The following MKRN1 variants were observed in gnomAD, a reference collection of about 807,000 sequenced individuals.
The protein encoded by MKRN1 is E3 ubiquitin-protein ligase makorin-1.
MKRN1 carries 9 observed loss-of-function variants against 55.5 expected under a neutral mutation model. That is an observed-to-expected ratio of 0.16 (90% CI 0.10 to 0.28). The LOEUF (loss-of-function observed/expected upper bound fraction) is 0.28, where lower values mean the gene tolerates loss of function less well. MKRN1 is among the 10% of genes least tolerant of loss of function. MKRN1 has a pLI of 1.00. For synonymous variants in MKRN1, 253 were observed against 235.9 expected, an observed-to-expected ratio of 1.07 and a Z score of -0.66; for missense variants, 488 against 626.7, an observed-to-expected ratio of 0.78 and a Z score of 2.36.
At chr7:140,469,134 G>A (rs537673023) in intron 2 of MKRN1, among the ~76,000 whole-genome samples, 41 of 152,010 alleles carry the variant, frequency 2.7e-4, no homozygotes, top group African/African-American at 8.2e-4. Context: ...AGACCACCCT[G>A]GCTAACACAG....
chr7:140,459,495 TCA>T (rs1794557557), intron 3 of MKRN1, among the ~76,000 whole-genome samples: 1 of 152,224 alleles, frequency 6.6e-6, no homozygotes, highest in African/African-American at 2.4e-5. Flanking sequence ...TCGAAAGGAT[TCA>T]GTTTTTCAAA....
chr7:140,455,125 T>A lies in MKRN1; in HGVS notation c.1206A>T (p.Arg402Ser), dbSNP rs528414465. ...YPDGRREEPQ[R>S]QKVGTSSRYR... ...ATCTGCTTGATGTTCCCACTTTCTG[T>A]CTCTGTGGCTCCTCTCTACGGCCAT... Residue 402 changes from arginine to serine, a missense_variant, in exon 7 of 8, where the codon AGA (arginine) becomes AGT (serine). Physicochemically the swap from Arg to Ser is moderately radical, Grantham distance 110. This residue lies in a region of MKRN1 where 278 missense variants were observed against 406.7 expected (regional missense o/e 0.68). Coordinates refer to ENST00000255977, the MANE Select transcript of MKRN1 (RefSeq NM_013446.4). 2 of 1,613,960 alleles carry A rather than the reference T, an allele frequency of 1.2e-6. No homozygotes were observed. The highest frequency in any genetic ancestry group is 1.1e-5 in the South Asian group (1 of 91,060).
At chr7:140,463,234 A>C (rs375318591) in intron 2 of MKRN1, among the ~76,000 whole-genome samples, 1 of 152,220 alleles carries the variant, frequency 6.6e-6, no homozygotes, top group African/African-American at 2.4e-5. Context: ...CTGAAGGATA[A>C]GGGAAGAAAC....
intron 4 of MKRN1, 199 bp from the exon 5 acceptor site, chr7:140,457,065 T>A: frequency 1.7e-6 from 1 of 598,286 alleles, no homozygotes; most frequent in Non-Finnish European, 2.9e-6. Flanking sequence ...TTTGCGGTGG[T>A]ACTTAACAAT....
chr7:140,471,537 T>C (rs752434814), intron 2 of MKRN1, among the ~76,000 whole-genome samples: 1 of 152,130 alleles, frequency 6.6e-6, no homozygotes, highest in Non-Finnish European at 1.5e-5. Flanking sequence ...TGGCGGGCTC[T>C]TGGCTCAGTG....
At position 140,478,955 on chromosome 7, in the gene MKRN1, G is replaced by C. The variant is rs1438626455; in HGVS notation, c.185+205C>G. The C allele has an allele frequency of 4.5e-5, 24 of 528,596 alleles. No individual in the cohort carries two copies. In the African/African-American group the frequency reaches 4.6e-4, roughly 10 times the overall value. 32.7% of individuals were successfully genotyped at this position (528,596 alleles called of 1,614,324 possible). ...CAGGCCTCCGCGGACAGCGCTGAGG[G>C]CTCCGCGGCCCAGCGGGGGTTGACG... On this transcript the variant is annotated intron_variant, in intron 1 of 7. Transcript: ENST00000255977.
chr7:140,470,997 T>C (rs28563126), intron 2 of MKRN1, among the ~76,000 whole-genome samples: 6 of 151,784 alleles, frequency 4.0e-5, no homozygotes, highest in African/African-American at 1.5e-4. Context: ...ATCTCATAAG[T>C]GTCTCTGAGA....
chr7:140,473,775 C>T (rs1283602938), intron 1 of MKRN1: 6 of 151,060 alleles, frequency 4.0e-5, no homozygotes, highest in Non-Finnish European at 8.8e-5. Context: ...GGTGGATTAC[C>T]TGAGGTTGGG....
chr7:140,461,280 T>C (rs1192412633), intron 2 of MKRN1, among the ~76,000 whole-genome samples: 3 of 152,174 alleles, frequency 2.0e-5, no homozygotes, highest in African/African-American at 7.2e-5. Context: ...ATTCTCTCCT[T>C]TTCATCTGTA....
intron 7 of MKRN1, 152 bp downstream of exon 7, chr7:140,454,943 C>G: frequency 3.5e-5 from 42 of 1,205,802 alleles, no homozygotes; most frequent in Non-Finnish European, 4.9e-5. Context: ...TCCTATCCCT[C>G]CCAGTTTTCT....
At chr7:140,470,057 A>AT (rs1563094402) in intron 2 of MKRN1, among the ~76,000 whole-genome samples, 9 of 140,924 alleles carry the variant, frequency 6.4e-5, no homozygotes, top group African/African-American at 2.4e-4. Flanking sequence ...AAAAAAAAAA[A>AT]AAAAAAAAAA....
At chr7:140,472,163 T>A in intron 1 of MKRN1, 152 bp from the exon 2 acceptor site, 1 of 1,059,746 alleles carries the variant, frequency 9.4e-7, no homozygotes, top group Non-Finnish European at 1.3e-6. Flanking sequence ...CTCATGCCTG[T>A]AATCCCAGTA....
In MKRN1 at chr7:140,479,223, G is replaced by A. The variant is rs770987129; in HGVS notation, c.122C>T (p.Ala41Val). 1.4e-5 allele frequency: 20 copies of A among 1,453,328 alleles called. No individual in the cohort carries two copies. Among genetic ancestry groups the A allele is most frequent in the African/African-American group, 3.0e-5 (2 of 67,252 alleles). The allele number at this position is 1,453,328 out of a possible 1,614,324, so 90.0% of individuals were successfully genotyped here. The change falls in exon 1 of 8, where the codon GCG (alanine) becomes GTG (valine). Residue 41 changes from alanine to valine, a missense_variant. Physicochemically the swap from Ala to Val is moderately conservative, Grantham distance 64 (BLOSUM62 0). Around this residue, in one of 2 missense-constraint regions of MKRN1, gnomAD observed 210 missense variants for 220.0 expected, o/e 0.95. Transcript: ENST00000255977. ...GTCGCTGCCGCCGCCCCCTCCGCCC[G>A]CCCCCAGGGACGGGGCGGTGACTGT... ...IPTVTAPSLG[A>V]GGGGGGSDGS...
At chr7:140,471,501 G>A (rs890704709) in intron 2 of MKRN1, among the ~76,000 whole-genome samples, 1 of 151,908 alleles carries the variant, frequency 6.6e-6, no homozygotes, top group African/African-American at 2.4e-5. Flanking sequence ...GTGGAGTCTC[G>A]CTCTGTTGCC....
At position 140,471,517 on chromosome 7, in the gene MKRN1, T is replaced by A. The variant is rs148139968; in HGVS notation, c.314+366A>T. Reference sequence around the variant, plus strand: ...TGGAGTCTCGCTCTGTTGCCCAGGCTGGAGCGCAGTGGCGGGCTCTTGGCT... The same window carrying A: ...TGGAGTCTCGCTCTGTTGCCCAGGCAGGAGCGCAGTGGCGGGCTCTTGGCT... On this transcript the variant is annotated intron_variant, in intron 2 of 7. Transcript: ENST00000255977. Among the ~76,000 whole-genome samples, 635 of 152,286 alleles carry A rather than the reference T, an allele frequency of 4.2e-3. 5 individuals are homozygous for A. Among genetic ancestry groups the A allele is most frequent in the African/African-American group, 0.014 (573 of 41,552 alleles).
chr7:140,460,934 G>T (rs997162854), intron 2 of MKRN1, among the ~76,000 whole-genome samples: 5 of 152,192 alleles, frequency 3.3e-5, no homozygotes, highest in Non-Finnish European at 7.3e-5. Flanking sequence ...TTATGAAAAC[G>T]GCCTTTGGCC....
At chr7:140,459,580 A>T in intron 3 of MKRN1, 127 bp downstream of exon 3, 1 of 886,714 alleles carries the variant, frequency 1.1e-6, no homozygotes, top group Admixed American at 2.8e-5. Flanking sequence ...AATCCAAATT[A>T]AAGTACTGTA....
rs544747483 is a variant in MKRN1 at position 140,460,568 on chromosome 7, T to TGG, written c.315-634_315-633dup. Among the ~76,000 whole-genome samples the TGG allele has an allele frequency of 4.3e-4, 65 of 152,208 alleles. No homozygotes were observed. The East Asian group carries it at 0.013, about 30-fold the overall frequency. ...CACCCACCTCAGCCTCCCAAAGTGC[T>TGG]GGGGTTACAGGTGTGAGCCACCACG... is the stretch of plus-strand genomic sequence containing the variant. On this transcript the variant is annotated intron_variant, in intron 2 of 7. Coordinates refer to ENST00000255977, the MANE Select transcript of MKRN1 (RefSeq NM_013446.4).
chr7:140,475,464 A>AGCCTAGGCAACAGGGTGAAACCCTGT (rs1795093564), intron 1 of MKRN1: 1 of 237,272 alleles, frequency 4.2e-6, no homozygotes, highest in African/African-American at 2.4e-5. Context: ...GTTCAAGACC[A>AGCCTAGGCAACAGGGTGAAACCCTGT]GCCTAGGCAA....
Sources: gnomAD v4.1 joint callset for allele counts (sites outside exome capture counted in the v4.1 genomes callset) on GRCh38, gnomAD v4.1.1 for gene constraint, gnomAD v4.1.1 regional missense constraint, MANE v1.5 for transcripts, NCBI Gene and HGNC (gene_info 2026-07-23, HGNC 2026-07-21) for gene names.